The following PIK3CD variants were observed in gnomAD, a reference collection of about 807,000 sequenced individuals.
PIK3CD encodes phosphatidylinositol-4,5-bisphosphate 3-kinase catalytic subunit delta, also known as phosphatidylinositol 4,5-bisphosphate 3-kinase catalytic subunit delta isoform.
Under a neutral mutation model 122.9 loss-of-function variants are expected in PIK3CD, and 20 were observed. The observed-to-expected ratio is 0.16, with a 90% confidence interval of 0.11 to 0.24. The LOEUF is 0.24. Ranked by LOEUF, PIK3CD falls within the 10% of genes least tolerant of loss-of-function variation. The probability of loss-of-function intolerance (pLI) is 1.00; values close to 1 mark genes in which losing one functional copy is unlikely to be tolerated. For synonymous variants in PIK3CD, 596 were observed against 593.4 expected (o/e 1.00, Z -0.06); for missense variants, 787 against 1,406.3 (o/e 0.56, Z 7.04).
rs11121484 is a variant in PIK3CD, at chr1:9,724,365, C to T, written c.2808C>T (p.Tyr936=). The change falls in exon 22 of 24, where the codon TAC becomes TAT. Residue 936 remains tyrosine, a synonymous_variant. Transcript: ENST00000377346. The surrounding 1 kb of genome is among the most constrained non-coding windows in gnomAD (Gnocchi z 7.3). ...AGCGTGTCCCATTCATCCTCACCTA[C>T]GACTTTGTCCATGTGATTCAGCAGG... ...NRERVPFILT[Y]DFVHVIQQGK... 0.12 allele frequency: 199,693 copies of T among 1,613,754 alleles called. 23,472 individuals carry two copies. The highest frequency in any genetic ancestry group is 0.54 in the African/African-American group (40,601 of 74,938).
In PIK3CD at chr1:9,719,814, G is replaced by C; in HGVS notation, c.1243-107G>C. Reference sequence around the variant, plus strand: ...TCTCCCAGGGGTCTGGTTGGGAGATGTTAGCTGGGCTCTGGGTCTTCTCGG... The same window carrying C: ...TCTCCCAGGGGTCTGGTTGGGAGATCTTAGCTGGGCTCTGGGTCTTCTCGG... On this transcript the variant is annotated intron_variant, in intron 9 of 23. Transcript: ENST00000377346. This position sits in a 1 kb window ranked among gnomAD's most constrained non-coding sequence, Gnocchi z 5.5. The C allele has an allele frequency of 1.1e-6, 1 of 915,754 alleles. No individual in the cohort carries two copies. Among genetic ancestry groups the C allele is most frequent in the South Asian group, 1.3e-5 (1 of 76,738 alleles). The allele number at this position is 915,754 out of a possible 1,614,324, so 56.7% of individuals were successfully genotyped here. A position where few individuals can be genotyped will look rare whatever the true frequency, so the allele number is the denominator to read the frequency against.
rs569127186 is a variant in PIK3CD, at chr1:9,726,445, G to C, written c.2998-464G>C. Among the ~76,000 whole-genome samples the C allele has an allele frequency of 8.5e-5, 13 of 152,304 alleles. No homozygotes were observed. The South Asian group carries it at 2.5e-3, about 29-fold the overall frequency. ...AATCACTTGAACCTGGGAGGCGGAG[G>C]TTGCAGTGAGCCGAGATCATGCCCC... is the stretch of plus-strand genomic sequence containing the variant. On this transcript the variant is annotated intron_variant, in intron 23 of 23. Transcript: ENST00000377346.
intron 2 of PIK3CD, among the ~76,000 whole-genome samples, chr1:9,708,588 C>T (rs1332080184): frequency 6.6e-6 from 1 of 152,188 alleles, no homozygotes; most frequent in Non-Finnish European, 1.5e-5. Context: ...TGGCTCATTC[C>T]TGTCATCCCA....
intron 1 of PIK3CD, among the ~76,000 whole-genome samples, chr1:9,659,174 G>A (rs960123390): frequency 2.0e-5 from 3 of 152,118 alleles, no homozygotes; most frequent in African/African-American, 4.8e-5. Flanking sequence ...GGTGGGGTAG[G>A]GGGTGGGAGA....
the PIK3CD span, among the ~76,000 whole-genome samples, chr1:9,638,960 T>C: frequency 6.6e-6 from 1 of 151,592 alleles, no homozygotes; most frequent in Admixed American, 6.6e-5. Context: ...GGAGATGGGA[T>C]TTTGCCATGT....
intron 1 of PIK3CD, among the ~76,000 whole-genome samples, chr1:9,661,316 G>A (rs1645002839): frequency 6.6e-6 from 1 of 152,106 alleles, no homozygotes; most frequent in African/African-American, 2.4e-5. Context: ...CTGACCTCAG[G>A]TGATCTACTC....
At chr1:9,678,368 A>T (rs902368813) in intron 1 of PIK3CD, among the ~76,000 whole-genome samples, 17 of 152,016 alleles carry the variant, frequency 1.1e-4, no homozygotes, top group Admixed American at 1.1e-3. Context: ...AGGCGGGAGG[A>T]TCGCTTGAGT....
chr1:9,633,557 C>T, the PIK3CD span, among the ~76,000 whole-genome samples: 1 of 152,152 alleles, frequency 6.6e-6, no homozygotes, highest in Non-Finnish European at 1.5e-5. Context: ...CATCCACCTG[C>T]CTCAGCCTCC....
chr1:9,651,333 G>C (rs1210794162), upstream of PIK3CD, among the ~76,000 whole-genome samples: 1 of 152,134 alleles, frequency 6.6e-6, no homozygotes, highest in African/African-American at 2.4e-5. Context: ...TGGTCACCTC[G>C]CAATGGCGCT....
At position 9,675,036 on chromosome 1, in the gene PIK3CD, A is replaced by G. The variant is rs537352990; in HGVS notation, c.-137-16431A>G. On this transcript the variant is annotated intron_variant, in intron 1 of 23. Coordinates refer to ENST00000377346, the MANE Select transcript of PIK3CD (RefSeq NM_005026.5). Reference sequence around the variant, plus strand: ...GGGCAATGTAAAAAAAAAAAAAAAAAAGAGAGAGAGAGAAAGAAAGAAAGA... The same window carrying G: ...GGGCAATGTAAAAAAAAAAAAAAAAGAGAGAGAGAGAGAAAGAAAGAAAGA... Among the ~76,000 whole-genome samples the G allele has an allele frequency of 3.9e-3, 554 of 141,560 alleles. 4 individuals are homozygous for G. Among genetic ancestry groups the G allele is most frequent in the South Asian group, 0.028 (128 of 4,512 alleles). 92.9% of individuals were successfully genotyped at this position (141,560 alleles called of 152,430 possible).
At chr1:9,639,197 C>CT in the PIK3CD span, among the ~76,000 whole-genome samples, 1 of 152,024 alleles carries the variant, frequency 6.6e-6, no homozygotes, top group Non-Finnish European at 1.5e-5. Flanking sequence ...TCTTTCTGTC[C>CT]TGGGAAAAAG....
At position 9,717,089 on chromosome 1, in the gene PIK3CD, C is replaced by T. The variant is rs1483926787; in HGVS notation, c.911C>T (p.Pro304Leu). 1 of 1,613,996 alleles carries T rather than the reference C, an allele frequency of 6.2e-7. No individual in the cohort carries two copies. The highest frequency in any genetic ancestry group is 8.5e-7 in the Non-Finnish European group (1 of 1,180,036). The change falls in exon 7 of 24, where the codon CCT (proline) becomes CTT (leucine). Residue 304 changes from proline (P) to leucine (L), a missense_variant. Pro to Leu is a moderately conservative substitution (Grantham distance 98). Coordinates refer to ENST00000377346, the MANE Select transcript of PIK3CD (RefSeq NM_005026.5). This position sits in a 1 kb window ranked among gnomAD's most constrained non-coding sequence, Gnocchi z 5.4. ...GTCCAGAAACCGCGTGCCAAACCAC[C>T]TCCCATTCCTGCGAAGAAGGTGAGA... The part of the protein sequence containing the change: ...PQVQKPRAKP[P>L]PIPAKKPSSV...
At chr1:9,662,834 G>T (rs535769831) in intron 1 of PIK3CD, among the ~76,000 whole-genome samples, 3 of 152,192 alleles carry the variant, frequency 2.0e-5, no homozygotes, top group Admixed American at 6.5e-5. Flanking sequence ...GATTACAGGT[G>T]CATGCCACCA....
intron 2 of PIK3CD, among the ~76,000 whole-genome samples, chr1:9,707,779 AT>A (rs953496200): frequency 4.2e-4 from 60 of 143,290 alleles, no homozygotes; most frequent in East Asian, 8.0e-4. Flanking sequence ...GCCTGGGTAA[AT>A]TTTTTTTTTT....
chr1:9,682,320 T>C (rs190287601), intron 1 of PIK3CD, among the ~76,000 whole-genome samples: 25 of 151,910 alleles, frequency 1.6e-4, no homozygotes, highest in Middle Eastern at 3.4e-3. Context: ...CCATCTCAGC[T>C]CACTACAACC....
rs550213624 is a variant in PIK3CD at position 9,689,050 on chromosome 1, C to A, written c.-137-2417C>A. 1.3e-5 allele frequency among the ~76,000 whole-genome samples: 2 copies of A among 152,338 alleles called. No homozygotes were observed. Among genetic ancestry groups the A allele is most frequent in the Admixed American group, 6.5e-5 (1 of 15,300 alleles). ...GCAGGCTGGATTTGAGCCCAGAGCC[C>A]GGGCTGGCCAATTACTCGAGTGAGT... is the stretch of plus-strand genomic sequence containing the variant. On this transcript the variant is annotated intron_variant, in intron 1 of 23. Coordinates refer to ENST00000377346, the MANE Select transcript of PIK3CD (RefSeq NM_005026.5). The surrounding 1 kb of genome is among the most constrained non-coding windows in gnomAD (Gnocchi z 6.1).
chr1:9,673,386 T>C (rs1645397794), intron 1 of PIK3CD, among the ~76,000 whole-genome samples: 1 of 151,990 alleles, frequency 6.6e-6, no homozygotes, highest in Non-Finnish European at 1.5e-5. Flanking sequence ...CAGCCTCCCG[T>C]GTAGCTAGGA....
At chr1:9,645,049 G>A in the PIK3CD span, among the ~76,000 whole-genome samples, 7 of 128,846 alleles carry the variant, frequency 5.4e-5, no homozygotes, top group East Asian at 2.2e-4. Flanking sequence ...TTTTTGAGAC[G>A]GAGTCTTGTT....
the PIK3CD span, among the ~76,000 whole-genome samples, chr1:9,632,081 C>T: frequency 6.6e-6 from 1 of 151,222 alleles, no homozygotes; most frequent in South Asian, 2.1e-4. Flanking sequence ...GGTGCGATCT[C>T]AGCTCACTGC....
Sources: allele counts gnomAD v4.1 joint callset (sites outside exome capture counted in the v4.1 genomes callset), GRCh38; gene constraint gnomAD v4.1.1; non-coding constraint Gnocchi (gnomAD v3.1); transcripts MANE v1.5; gene names NCBI Gene and HGNC (gene_info 2026-07-23, HGNC 2026-07-21).